UBE2E2: variants seen among roughly 807,000 people sequenced by gnomAD.
The protein encoded by UBE2E2 is ubiquitin-conjugating enzyme E2 E2.
A neutral mutation model predicts 24.7 loss-of-function variants in UBE2E2; 6 were observed. The observed-to-expected ratio is 0.24, with a 90% CI of 0.13 to 0.48. The LOEUF is 0.48. Ranked by LOEUF, UBE2E2 falls within the 20% of genes least tolerant of loss-of-function variation. The probability of loss-of-function intolerance (pLI) is 0.99; values close to 1 mark genes in which losing one functional copy is unlikely to be tolerated. For missense variants in UBE2E2, 169 were observed against 245.0 expected (o/e 0.69, Z 2.07); for synonymous variants, 104 against 83.6 (o/e 1.24, Z -1.33).
chr3:23,219,313 T>C (rs140599958), intron 3 of UBE2E2, among the ~76,000 whole-genome samples: 2 of 152,310 alleles, frequency 1.3e-5, no homozygotes, highest in South Asian at 2.1e-4. Flanking sequence ...TCAACACTTA[T>C]CAGTGTGCTT....
chr3:23,235,474 G>A (rs1397013788), intron 3 of UBE2E2, among the ~76,000 whole-genome samples: 1 of 151,976 alleles, frequency 6.6e-6, no homozygotes, highest in Non-Finnish European at 1.5e-5. Context: ...GGGGAATGCT[G>A]TTGTACAAGA....
chr3:23,236,507 G>T, intron 3 of UBE2E2, among the ~76,000 whole-genome samples: 2 of 146,958 alleles, frequency 1.4e-5, no homozygotes, highest in South Asian at 2.1e-4. Context: ...TTTGGCCTGT[G>T]GACTGAACAT....
chr3:23,535,310 A>C (rs1695226999), intron 5 of UBE2E2, among the ~76,000 whole-genome samples: 2 of 152,212 alleles, frequency 1.3e-5, no homozygotes, highest in Admixed American at 1.3e-4. Context: ...TATTTGGGAC[A>C]CCAAATGGGC....
chr3:23,554,163 A>G (rs73141810), intron 5 of UBE2E2, among the ~76,000 whole-genome samples: 5,341 of 152,304 alleles, frequency 0.035, 337 homozygotes, highest in African/African-American at 0.12. Flanking sequence ...GTATATAGCT[A>G]TAGTAATCAA....
intron 3 of UBE2E2, among the ~76,000 whole-genome samples, chr3:23,387,484 G>A (rs533162917): frequency 6.6e-6 from 1 of 152,236 alleles, no homozygotes; most frequent in Non-Finnish European, 1.5e-5. Flanking sequence ...ATAGGACACA[G>A]TTTTCTCATG....
intron 3 of UBE2E2, among the ~76,000 whole-genome samples, chr3:23,354,681 A>G (rs1271664952): frequency 1.8e-4 from 27 of 152,326 alleles, no homozygotes; most frequent in Non-Finnish European, 7.3e-5. Context: ...GCAATGAGAT[A>G]CCATCTCACA....
intron 3 of UBE2E2, among the ~76,000 whole-genome samples, chr3:23,384,566 G>A (rs1009376592): frequency 6.6e-6 from 1 of 151,880 alleles, no homozygotes; most frequent in Admixed American, 6.6e-5. Context: ...TTTTTGAGAT[G>A]GACTCTCACT....
intron 3 of UBE2E2, among the ~76,000 whole-genome samples, chr3:23,413,739 G>T (rs927546742): frequency 6.6e-6 from 1 of 151,908 alleles, no homozygotes; most frequent in African/African-American, 2.4e-5. Flanking sequence ...CCTGTATTTT[G>T]TTCTCTAGGC....
intron 5 of UBE2E2, among the ~76,000 whole-genome samples, chr3:23,584,771 G>GTGT (rs1696579503): frequency 8.0e-6 from 1 of 125,112 alleles, no homozygotes; most frequent in African/African-American, 3.1e-5. Flanking sequence ...GGTTCTCACT[G>GTGT]TGTTGCCCAG....
At chr3:23,573,245 T>C (rs1432703611) in intron 5 of UBE2E2, among the ~76,000 whole-genome samples, 1 of 152,196 alleles carries the variant, frequency 6.6e-6, no homozygotes, top group African/African-American at 2.4e-5. Flanking sequence ...TAAAAGTTAC[T>C]GTAAATATAG....
At chr3:23,451,778 C>T (rs967646611) in intron 3 of UBE2E2, among the ~76,000 whole-genome samples, 2 of 152,084 alleles carry the variant, frequency 1.3e-5, no homozygotes, top group Admixed American at 1.3e-4. Flanking sequence ...AGTCTCTCAA[C>T]AAGAAATCTC....
At chr3:23,331,345 A>G (rs1459108392) in intron 3 of UBE2E2, among the ~76,000 whole-genome samples, 1 of 152,218 alleles carries the variant, frequency 6.6e-6, no homozygotes, top group Admixed American at 6.5e-5. Flanking sequence ...TAATGAACCA[A>G]ACAAAGAAAA....
chr3:23,425,695 T>C (rs534279222), intron 3 of UBE2E2, among the ~76,000 whole-genome samples: 5 of 152,148 alleles, frequency 3.3e-5, no homozygotes, highest in Admixed American at 3.3e-4. Context: ...ATATACAAGC[T>C]TGAGAGTGAA....
rs569562681 is a variant in UBE2E2 at position 23,473,619 on chromosome 3, T to C, written c.228-25989T>C. 2.0e-5 allele frequency among the ~76,000 whole-genome samples: 3 copies of C among 152,222 alleles called. No individual in the cohort carries two copies. In the East Asian group the frequency reaches 5.8e-4, roughly 29 times the overall value. ...TCCCCACTGAGTCCCCGAAGTCCAC[T>C]GTGTCATTCTCATGCCTTTGCATCC... is the stretch of plus-strand genomic sequence containing the variant. On this transcript the variant is annotated intron_variant, in intron 3 of 5. Transcript: ENST00000396703.
At chr3:23,392,499 T>TA (rs893551464) in intron 3 of UBE2E2, among the ~76,000 whole-genome samples, 1,948 of 150,660 alleles carry the variant, frequency 0.013, 43 homozygotes, top group African/African-American at 0.044. Context: ...TCTTATAGTT[T>TA]AAAAAAAAAC....
chr3:23,519,078 C>T (rs1694805223), intron 4 of UBE2E2, among the ~76,000 whole-genome samples: 1 of 152,200 alleles, frequency 6.6e-6, no homozygotes, highest in Non-Finnish European at 1.5e-5. Flanking sequence ...TCAACATCTA[C>T]TCCTTCACTC....
intron 3 of UBE2E2, among the ~76,000 whole-genome samples, chr3:23,254,952 A>T (rs1042720981): frequency 6.6e-6 from 1 of 151,850 alleles, no homozygotes; most frequent in East Asian, 1.9e-4. Context: ...GCATATGGCC[A>T]TGTTTAGAAG....
chr3:23,364,474 C>A (rs1178977971), intron 3 of UBE2E2, among the ~76,000 whole-genome samples: 5 of 151,930 alleles, frequency 3.3e-5, no homozygotes, highest in Non-Finnish European at 5.9e-5. Context: ...TACAAAAAAA[C>A]CCCAGAGACT....
At position 23,287,773 on chromosome 3, in the gene UBE2E2, CT is replaced by C. The variant is rs34258354; in HGVS notation, c.227+70476del. ...GCAGTGTTGGTTGTAATGTCTCTCT[CT>C]TTTTTTTTTTTTTTACATCTCTGAT... is the stretch of plus-strand genomic sequence containing the variant. On this transcript the variant is annotated intron_variant, in intron 3 of 5. Transcript: ENST00000396703. Among the ~76,000 whole-genome samples the C allele has an allele frequency of 2.8e-3, 388 of 138,906 alleles. 8 individuals are homozygous for C. Among genetic ancestry groups the C allele is most frequent in the East Asian group, 0.019 (90 of 4,854 alleles). The allele number at this position is 138,906 out of a possible 152,430, so 91.1% of individuals were successfully genotyped here.
Sources: gnomAD v4.1 joint callset for allele counts (sites outside exome capture counted in the v4.1 genomes callset) on GRCh38, gnomAD v4.1.1 for gene constraint, MANE v1.5 for transcripts, NCBI Gene and HGNC (gene_info 2026-07-23, HGNC 2026-07-21) for gene names.